The following MYT1L variants were observed in gnomAD, a reference collection of about 807,000 sequenced individuals.
The protein encoded by MYT1L is myelin transcription factor 1-like protein.
In MYT1L, 12 loss-of-function variants were observed where a neutral mutation model predicts 126.7. That is an observed-to-expected ratio of 0.09 (90% confidence interval 0.06 to 0.15). MYT1L has a LOEUF of 0.15. MYT1L is among the 10% of genes least tolerant of loss of function. MYT1L has a pLI of 1.00. For synonymous variants in MYT1L, 541 were observed against 604.2 expected (o/e 0.90, Z 1.53); for missense variants, 979 against 1,585.2 (o/e 0.62, Z 6.49).
chr2:2,063,844 CAAAA>C (rs559699900), intron 3 of MYT1L, among the ~76,000 whole-genome samples: 1 of 150,716 alleles, frequency 6.6e-6, no homozygotes, highest in Non-Finnish European at 1.5e-5. Context: ...AACTCTGTCT[CAAAA>C]AAAACAAAAC....
At chr2:1,820,965 G>T (rs1165279573) in intron 21 of MYT1L, among the ~76,000 whole-genome samples, 1 of 152,152 alleles carries the variant, frequency 6.6e-6, no homozygotes, top group Non-Finnish European at 1.5e-5. Context: ...TCTCCCTGTG[G>T]AATGGAACTT....
rs370852134 is a variant in MYT1L at position 2,175,687 on chromosome 2, C to G, written c.-420-2699G>C. Among the ~76,000 whole-genome samples, 5 of 150,686 alleles carry G rather than the reference C, an allele frequency of 3.3e-5. 1 individual carries two copies. The highest frequency in any genetic ancestry group is 4.1e-4 in the South Asian group (2 of 4,822). ...CCTGGTTTTACATACTTTCCTGGAC[C>G]CTTGCCTCGATACTGTCTGAACAGG... is the stretch of plus-strand genomic sequence containing the variant. On this transcript the variant is annotated intron_variant, in intron 2 of 24. Transcript: ENST00000647738.
chr2:2,197,439 C>T lies in MYT1L; in HGVS notation c.-420-24451G>A, dbSNP rs143861182. 2.0e-4 allele frequency among the ~76,000 whole-genome samples: 31 copies of T among 152,118 alleles called. 2 individuals are homozygous for T. Among genetic ancestry groups the T allele is most frequent in the African/African-American group, 5.8e-4 (24 of 41,490 alleles). ...TTGACTGTGCCCAACCACAGATGAG[C>T]GCATAAAAACATGGTATATCTATCT... is the stretch of plus-strand genomic sequence containing the variant. On this transcript the variant is annotated intron_variant, in intron 2 of 24. Coordinates refer to ENST00000647738, the MANE Select transcript of MYT1L (RefSeq NM_001303052.2).
intron 2 of MYT1L, among the ~76,000 whole-genome samples, chr2:2,208,618 A>G (rs927560100): frequency 6.6e-6 from 1 of 152,236 alleles, no homozygotes; most frequent in African/African-American, 2.4e-5. Flanking sequence ...AAAAAACTTT[A>G]ATTTATAAAT....
At chr2:1,975,331 C>T (rs2060089608) in intron 8 of MYT1L, among the ~76,000 whole-genome samples, 3 of 150,848 alleles carry the variant, frequency 2.0e-5, no homozygotes, top group African/African-American at 7.4e-5. Context: ...ACGTATGGCC[C>T]CCAGAAACTA....
chr2:2,195,225 G>T (rs1189185677), intron 2 of MYT1L, among the ~76,000 whole-genome samples: 1 of 152,184 alleles, frequency 6.6e-6, no homozygotes. Flanking sequence ...TGAACAGAAG[G>T]TTTGTCAAAA....
intron 1 of MYT1L, among the ~76,000 whole-genome samples, chr2:2,292,830 C>T (rs1422356994): frequency 6.6e-6 from 1 of 152,090 alleles, no homozygotes; most frequent in Non-Finnish European, 1.5e-5. Context: ...TTTATTTTAA[C>T]CCCAAGTCTG....
At position 1,929,679 on chromosome 2, in the gene MYT1L, T is replaced by C. The variant is rs2149162132; in HGVS notation, c.506-6416A>G. On this transcript the variant is annotated intron_variant, in intron 9 of 24. Transcript: ENST00000647738. The surrounding 1 kb of genome is among the most constrained non-coding windows in gnomAD (Gnocchi z 4.7). ...AAGCTCCCACTAGTCTTATTCATCTTGAGTATAGATTAGCACAGACATTTT... is the reference window on the plus strand; with the variant it reads ...AAGCTCCCACTAGTCTTATTCATCTCGAGTATAGATTAGCACAGACATTTT... Among the ~76,000 whole-genome samples, 1 of 152,338 alleles carries C rather than the reference T, an allele frequency of 6.6e-6. No individual in the cohort carries two copies. The highest frequency in any genetic ancestry group is 6.5e-5 in the Admixed American group (1 of 15,302).
chr2:1,799,624 G>A (rs1425185406), intron 23 of MYT1L, among the ~76,000 whole-genome samples: 3 of 152,242 alleles, frequency 2.0e-5, no homozygotes, highest in Non-Finnish European at 2.9e-5. Flanking sequence ...ACAGACAAGG[G>A]CATTCTGCCT....
chr2:2,001,545 C>T (rs1281799771), intron 4 of MYT1L, among the ~76,000 whole-genome samples: 1 of 152,178 alleles, frequency 6.6e-6, no homozygotes, highest in African/African-American at 2.4e-5. Flanking sequence ...GTGAGAGCGT[C>T]TCTGCACAGG....
chr2:1,891,610 T>C (rs1025885889), intron 15 of MYT1L, among the ~76,000 whole-genome samples: 2 of 152,050 alleles, frequency 1.3e-5, no homozygotes, highest in Non-Finnish European at 2.9e-5. Flanking sequence ...TACCCAGGAG[T>C]CCATAGGCAG....
intron 3 of MYT1L, among the ~76,000 whole-genome samples, chr2:2,096,350 C>T (rs780058411): frequency 7.2e-5 from 11 of 152,180 alleles, no homozygotes; most frequent in Non-Finnish European, 1.0e-4. Context: ...CAGGAGCCCC[C>T]GCTCTGCTCC....
At chr2:2,178,054 T>C (rs2091019268) in intron 2 of MYT1L, among the ~76,000 whole-genome samples, 1 of 152,242 alleles carries the variant, frequency 6.6e-6, no homozygotes, top group South Asian at 2.1e-4. Context: ...ATATATACTG[T>C]TTATTTATAA....
intron 21 of MYT1L, among the ~76,000 whole-genome samples, chr2:1,833,612 C>A (rs2148312382): frequency 6.6e-6 from 1 of 152,278 alleles, no homozygotes; most frequent in African/African-American, 2.4e-5. Flanking sequence ...TACACCTGAC[C>A]TGAGGGTCTC....
chr2:2,039,911 C>T (rs2067334503), intron 4 of MYT1L, among the ~76,000 whole-genome samples: 2 of 152,138 alleles, frequency 1.3e-5, no homozygotes, highest in South Asian at 4.1e-4. Flanking sequence ...TGCCTGGCTG[C>T]AAGAAGCGAG....
Position 1,795,087 on chromosome 2 carries a change from C to T in MYT1L, c.3277-2623G>A, listed in dbSNP as rs114072776. 4.5e-4 allele frequency among the ~76,000 whole-genome samples: 68 copies of T among 152,322 alleles called. 1 individual carries two copies. The highest frequency in any genetic ancestry group is 1.5e-3 in the African/African-American group (64 of 41,576). On this transcript the variant is annotated intron_variant, in intron 23 of 24. Transcript: ENST00000647738. ...CACGAAGGGCCCCGGGCTTCTTGCACGTGGACACACGTTTGCTTCCCTGAG... is the reference window on the plus strand; with the variant it reads ...CACGAAGGGCCCCGGGCTTCTTGCATGTGGACACACGTTTGCTTCCCTGAG...
At chr2:1,949,199 G>T (rs995453368) in intron 8 of MYT1L, among the ~76,000 whole-genome samples, 1 of 152,172 alleles carries the variant, frequency 6.6e-6, no homozygotes, top group African/African-American at 2.4e-5. Context: ...CTTATCCTTG[G>T]ACTTCTCACA....
In MYT1L at chr2:2,178,341, G is replaced by T. The variant is rs546655297; in HGVS notation, c.-420-5353C>A. Among the ~76,000 whole-genome samples the T allele has an allele frequency of 6.2e-4, 95 of 152,266 alleles. No individual in the cohort carries two copies. In the South Asian group the frequency reaches 0.019, roughly 31 times the overall value. On this transcript the variant is annotated intron_variant, in intron 2 of 24. Transcript: ENST00000647738. Reference sequence around the variant, plus strand: ...TACAATATAGTTGAAGACAGGCCCTGGGATGCACTGGCTGTCTACAAACCA... The same window carrying T: ...TACAATATAGTTGAAGACAGGCCCTTGGATGCACTGGCTGTCTACAAACCA...
chr2:1,870,034 T>C (rs1353796631), intron 18 of MYT1L, among the ~76,000 whole-genome samples: 1 of 151,986 alleles, frequency 6.6e-6, no homozygotes, highest in Non-Finnish European at 1.5e-5. Flanking sequence ...GTCAGACGAT[T>C]TTTCAGAGCC....
Sources: allele counts gnomAD v4.1 joint callset (sites outside exome capture counted in the v4.1 genomes callset), GRCh38; gene constraint gnomAD v4.1.1; non-coding constraint Gnocchi (gnomAD v3.1); transcripts MANE v1.5; gene names NCBI Gene and HGNC (gene_info 2026-07-23, HGNC 2026-07-21).